The following ARHGAP15 variants were observed in gnomAD, a reference collection of about 807,000 sequenced individuals.
ARHGAP15 encodes Rho GTPase activating protein 15, also known as rho GTPase-activating protein 15.
Under a neutral mutation model 63.7 loss-of-function variants are expected in ARHGAP15, and 51 were observed. The observed-to-expected ratio is 0.80, with a 90% CI of 0.64 to 1.01. The LOEUF is 1.01. ARHGAP15 is among the 50% of genes least tolerant of loss of function. The pLI is 0.00. For synonymous variants in ARHGAP15, 191 were observed against 193.8 expected, an observed-to-expected ratio of 0.99 and a Z score of 0.12; for missense variants, 560 against 564.6, an observed-to-expected ratio of 0.99 and a Z score of 0.08.
chr2:143,464,270 T>G (rs1691097360), intron 8 of ARHGAP15, among the ~76,000 whole-genome samples: 1 of 152,300 alleles, frequency 6.6e-6, no homozygotes, highest in South Asian at 2.1e-4. Context: ...TGATAGAGAA[T>G]CAAGGTCAAT....
At chr2:143,707,114 T>A (rs1017638194) in intron 13 of ARHGAP15, among the ~76,000 whole-genome samples, 15 of 152,118 alleles carry the variant, frequency 9.9e-5, no homozygotes, top group African/African-American at 3.4e-4. Context: ...TTGCATGATG[T>A]GCTCAGTGTT....
intron 8 of ARHGAP15, among the ~76,000 whole-genome samples, chr2:143,476,941 T>C (rs901465282): frequency 1.3e-5 from 2 of 152,294 alleles, no homozygotes; most frequent in East Asian, 1.9e-4. Context: ...TTGAAAGAAA[T>C]TGCTTTTGCT....
intron 12 of ARHGAP15, among the ~76,000 whole-genome samples, chr2:143,685,873 G>C (rs1397047824): frequency 6.6e-6 from 1 of 152,004 alleles, no homozygotes; most frequent in Admixed American, 6.6e-5. Flanking sequence ...CAAAAGGCCA[G>C]GTCTAGTCCT....
At chr2:143,356,223 C>G (rs1477624985) in intron 6 of ARHGAP15, among the ~76,000 whole-genome samples, 1 of 152,140 alleles carries the variant, frequency 6.6e-6, no homozygotes, top group Non-Finnish European at 1.5e-5. Context: ...GCCATTCAGT[C>G]GTCAAAACAT....
intron 10 of ARHGAP15, among the ~76,000 whole-genome samples, chr2:143,552,861 C>T (rs1695632446): frequency 6.6e-6 from 1 of 152,120 alleles, no homozygotes; most frequent in African/African-American, 2.4e-5. Flanking sequence ...AAAGAGGTAC[C>T]TCTCAAAGCG....
intron 6 of ARHGAP15, among the ~76,000 whole-genome samples, chr2:143,273,791 T>A (rs1238781258): frequency 6.6e-6 from 1 of 152,212 alleles, no homozygotes; most frequent in Non-Finnish European, 1.5e-5. Context: ...TTTCCATATT[T>A]TATTCCTATA....
At chr2:143,413,960 T>TGCGCGCGCGCGCGC (rs1254967791) in intron 6 of ARHGAP15, among the ~76,000 whole-genome samples, 1 of 64,410 alleles carries the variant, frequency 1.6e-5, no homozygotes, top group Admixed American at 2.2e-4. Context: ...TGTGTGTGTG[T>TGCGCGCGCGCGCGC]GTGTGTGCGC....
intron 10 of ARHGAP15, among the ~76,000 whole-genome samples, chr2:143,536,416 A>G (rs1694763598): frequency 1.3e-5 from 2 of 152,030 alleles, no homozygotes; most frequent in Non-Finnish European, 2.9e-5. Flanking sequence ...GTACATGTGC[A>G]CAACGTGCAG....
intron 5 of ARHGAP15, among the ~76,000 whole-genome samples, chr2:143,230,348 CT>C (rs771655064): frequency 1.3e-5 from 2 of 152,046 alleles, no homozygotes; most frequent in Non-Finnish European, 1.5e-5. Context: ...TAATTATCAG[CT>C]GTTAAATTTT....
At chr2:143,228,429 C>T (rs1693302835) in intron 4 of ARHGAP15, 152 bp from the exon 5 acceptor site, 3 of 428,758 alleles carry the variant, frequency 7.0e-6, no homozygotes, top group Admixed American at 8.6e-5. Context: ...AAATTCCATA[C>T]CACTTATAGA....
chr2:143,701,932 A>G (rs1326040582), intron 12 of ARHGAP15, among the ~76,000 whole-genome samples: 2 of 152,166 alleles, frequency 1.3e-5, no homozygotes, highest in Admixed American at 6.5e-5. Context: ...ATCAGCTCAT[A>G]CATGCTCTCC....
chr2:143,569,845 A>G (rs1252173494), intron 11 of ARHGAP15, among the ~76,000 whole-genome samples: 1 of 152,176 alleles, frequency 6.6e-6, no homozygotes, highest in East Asian at 1.9e-4. Context: ...GCTGATTTGT[A>G]TGAGGGAATA....
chr2:143,397,903 CAAAG>C lies in ARHGAP15; in HGVS notation c.475-37693_475-37690del, dbSNP rs200432344. On this transcript the variant is annotated intron_variant, in intron 6 of 13. Coordinates refer to ENST00000295095, the MANE Select transcript of ARHGAP15 (RefSeq NM_018460.4). ...TCAATGAATTGATTATAAAAATTCT[CAAAG>C]AAAGCAAGAAATTATTTTTCTGAGT... Among the ~76,000 whole-genome samples the C allele has an allele frequency of 8.4e-3, 1,274 of 152,158 alleles. 16 individuals carry two copies. Among genetic ancestry groups the C allele is most frequent in the African/African-American group, 0.029 (1,212 of 41,516 alleles).
At position 143,155,513 on chromosome 2, in the gene ARHGAP15, A is replaced by G; in HGVS notation, c.23A>G (p.Asp8Gly). ...AATATGCAGAAATCTACAAATTCTG[A>G]TACTTCCGTGGAAACACTGAATTCT... MQKSTNS[D>G]TSVETLNSTR... is the part of the protein sequence containing the mutation. Residue 8 changes from aspartate to glycine, a missense_variant, in exon 2 of 14, where the codon GAT becomes GGT. Asp to Gly is a moderately conservative substitution (Grantham distance 94, BLOSUM62 -1). Coordinates refer to ENST00000295095, the MANE Select transcript of ARHGAP15 (RefSeq NM_018460.4). The G allele has an allele frequency of 6.2e-7, 1 of 1,607,574 alleles. No homozygotes were observed. The highest frequency in any genetic ancestry group is 8.5e-7 in the Non-Finnish European group (1 of 1,177,486).
intron 6 of ARHGAP15, among the ~76,000 whole-genome samples, chr2:143,333,291 T>G (rs1326206092): frequency 1.3e-5 from 2 of 152,218 alleles, no homozygotes. Context: ...TAAATATCAC[T>G]GTGGACTCTT....
intron 6 of ARHGAP15, among the ~76,000 whole-genome samples, chr2:143,330,132 C>CAAAAAAAAAAAA (rs367621500): frequency 2.0e-5 from 1 of 48,932 alleles, no homozygotes; most frequent in African/African-American, 6.3e-5. Context: ...AAAAAAAAAA[C>CAAAAAAAAAAAA]CAAAAACAAA....
chr2:143,513,753 A>G (rs1266145698), intron 9 of ARHGAP15, among the ~76,000 whole-genome samples: 1 of 152,218 alleles, frequency 6.6e-6, no homozygotes, highest in African/African-American at 2.4e-5. Flanking sequence ...CAGTCAAGCA[A>G]GGAACTTGGC....
chr2:143,744,004 G>C (rs1490800271), intron 13 of ARHGAP15, among the ~76,000 whole-genome samples: 2 of 152,104 alleles, frequency 1.3e-5, no homozygotes, highest in Non-Finnish European at 2.9e-5. Flanking sequence ...CATTGTTTAA[G>C]ATACCCTGTG....
At chr2:143,604,768 C>T (rs184043875) in intron 11 of ARHGAP15, among the ~76,000 whole-genome samples, 84 of 152,262 alleles carry the variant, frequency 5.5e-4, no homozygotes, top group African/African-American at 1.9e-3. Flanking sequence ...ATTCTTGGCA[C>T]GCATCCTGAA....
Sources: allele counts gnomAD v4.1 joint callset (sites outside exome capture counted in the v4.1 genomes callset), GRCh38; gene constraint gnomAD v4.1.1; transcripts MANE v1.5; gene names NCBI Gene and HGNC (gene_info 2026-07-23, HGNC 2026-07-21).